HSPA4L: variants seen among roughly 807,000 people sequenced by gnomAD.
HSPA4L encodes heat shock 70 kDa protein 4L.
A neutral mutation model predicts 100.3 loss-of-function variants in HSPA4L; 48 were observed. The ratio of observed to expected loss-of-function variants is 0.48; its 90% confidence interval spans 0.38 to 0.61. The LOEUF is 0.61. Ranked by LOEUF, HSPA4L falls within the 20% of genes least tolerant of loss-of-function variation. HSPA4L has a pLI of 0.00. For synonymous variants in HSPA4L, 319 were observed against 328.2 expected (o/e 0.97, Z 0.30); for missense variants, 886 against 988.6 (o/e 0.90, Z 1.39).
chr4:127,801,965 G>T, intron 6 of HSPA4L, 47 bp downstream of exon 6: 1 of 1,479,468 alleles, frequency 6.8e-7, no homozygotes, highest in South Asian at 1.4e-5. Flanking sequence ...TAAGAACACA[G>T]ACTAAAGAAC....
intron 1 of HSPA4L, among the ~76,000 whole-genome samples, chr4:127,785,664 T>C (rs1172426607): frequency 1.3e-5 from 2 of 152,154 alleles, no homozygotes; most frequent in African/African-American, 4.8e-5. Flanking sequence ...CTCGAACTCC[T>C]GACCTCAGGT....
At chr4:127,797,012 A>C (rs1019263496) in intron 3 of HSPA4L, among the ~76,000 whole-genome samples, 1 of 152,336 alleles carries the variant, frequency 6.6e-6, no homozygotes, top group South Asian at 2.1e-4. Flanking sequence ...TATATGTGTT[A>C]TGGATATGTA....
chr4:127,829,798 T>G (rs1275548946), intron 17 of HSPA4L, among the ~76,000 whole-genome samples: 1 of 149,962 alleles, frequency 6.7e-6, no homozygotes. Context: ...AGCATATGGG[T>G]AGAGAGATGA....
At position 127,839,527 on chromosome 4, in the gene HSPA4L, T is replaced by G. The variant is rs1734313337; in HGVS notation, c.*6653T>G. 1 of 149,532 alleles carries G rather than the reference T, an allele frequency of 6.7e-6. No individual in the cohort carries two copies. The highest frequency in any genetic ancestry group is 2.1e-4 in the South Asian group (1 of 4,686). The allele number at this position is 149,532 out of a possible 1,614,324, so 9.3% of individuals were successfully genotyped here. A position where few individuals can be genotyped will look rare whatever the true frequency, so the allele number is the denominator to read the frequency against. ...CGCTTGAACCCTGGCGAAACCCCAT[T>G]TCTAAAATAGAAAAATTTAGCCGGG... is the stretch of plus-strand genomic sequence containing the variant. On this transcript the variant is annotated 3_prime_UTR_variant, in exon 19 of 19. Transcript: ENST00000296464.
intron 5 of HSPA4L, 55 bp downstream of exon 5, chr4:127,801,292 T>G: frequency 7.9e-7 from 1 of 1,260,980 alleles, no homozygotes; most frequent in African/African-American, 1.5e-5. Context: ...TCTAGTTTTT[T>G]TCTAATTATT....
intron 12 of HSPA4L, among the ~76,000 whole-genome samples, chr4:127,816,390 A>G (rs1050670623): frequency 3.9e-5 from 6 of 152,178 alleles, no homozygotes; most frequent in Non-Finnish European, 7.3e-5. Flanking sequence ...CTGCTTTTAA[A>G]TGTATCTTAG....
rs1578732327 is a variant in HSPA4L, at chr4:127,839,755, G to T, written c.*6881G>T. 6.6e-6 allele frequency: 1 copy of T among 151,616 alleles called. No homozygotes were observed. The highest frequency in any genetic ancestry group is 2.4e-5 in the African/African-American group (1 of 41,286). The allele number at this position is 151,616 out of a possible 1,614,324, so 9.4% of individuals were successfully genotyped here. ...TAGGTAAAGGAAGCTTTAAAATGTTGTATTTTTTCCCTGAAATAAACTTTT... is the reference window on the plus strand; with the variant it reads ...TAGGTAAAGGAAGCTTTAAAATGTTTTATTTTTTCCCTGAAATAAACTTTT... On this transcript the variant is annotated 3_prime_UTR_variant, in exon 19 of 19. Transcript: ENST00000296464.
At position 127,782,448 on chromosome 4, in the gene HSPA4L, T is replaced by TA; in HGVS notation, c.-103_-102insA. ...TAGCGACTTGGGGTCCCCTCTCGTTTGCTTCTGGTAGGAGTCGCAATCCCA... is the reference window on the plus strand; with the variant it reads ...TAGCGACTTGGGGTCCCCTCTCGTTTAGCTTCTGGTAGGAGTCGCAATCCCA... On this transcript the variant is annotated 5_prime_UTR_variant, in exon 1 of 19. Coordinates refer to ENST00000296464, the MANE Select transcript of HSPA4L (RefSeq NM_014278.4). 1 of 918,720 alleles carries TA rather than the reference T, an allele frequency of 1.1e-6. No homozygotes were observed. The highest frequency in any genetic ancestry group is 1.8e-6 in the Non-Finnish European group (1 of 568,932). 56.9% of individuals were successfully genotyped at this position (918,720 alleles called of 1,614,324 possible).
chr4:127,782,379 G>C lies in HSPA4L; in HGVS notation c.-172G>C, dbSNP rs1310189541. The C allele has an allele frequency of 8.2e-6, 5 of 613,378 alleles. No individual in the cohort carries two copies. The highest frequency in any genetic ancestry group is 1.5e-5 in the Non-Finnish European group (5 of 338,286). The allele number at this position is 613,378 out of a possible 1,614,324, so 38.0% of individuals were successfully genotyped here. Reference sequence around the variant, plus strand: ...GCAGGCTGCGGCGCTGACGGCCTCTGCTCCTTCCGCGGGTTTCCGACTCCC... The same window carrying C: ...GCAGGCTGCGGCGCTGACGGCCTCTCCTCCTTCCGCGGGTTTCCGACTCCC... On this transcript the variant is annotated 5_prime_UTR_variant, in exon 1 of 19. Coordinates refer to ENST00000296464, the MANE Select transcript of HSPA4L (RefSeq NM_014278.4).
intron 1 of HSPA4L, among the ~76,000 whole-genome samples, chr4:127,791,728 A>G (rs1732881728): frequency 1.3e-5 from 2 of 152,004 alleles, no homozygotes; most frequent in African/African-American, 4.8e-5. Context: ...ACTCTCTACC[A>G]CTTTTATCCC....
intron 7 of HSPA4L, 36 bp from the exon 8 acceptor site, chr4:127,803,975 T>C (rs1733272659): frequency 1.2e-6 from 2 of 1,609,716 alleles, no homozygotes; most frequent in Admixed American, 3.3e-5. Context: ...CAACTTTTAA[T>C]CCCAGAATAA....
intron 18 of HSPA4L, 36 bp from the exon 19 acceptor site, chr4:127,832,647 A>G: frequency 1.4e-6 from 2 of 1,467,982 alleles, no homozygotes; most frequent in African/African-American, 1.4e-5. Context: ...TTGTTCTGTA[A>G]TCGTTTTAAT....
At chr4:127,822,639 C>A in intron 14 of HSPA4L, 130 bp from the exon 15 acceptor site, 1 of 848,076 alleles carries the variant, frequency 1.2e-6, no homozygotes, top group Non-Finnish European at 1.8e-6. Context: ...TCACTTTCTC[C>A]ACATCCTCAT....
intron 4 of HSPA4L, among the ~76,000 whole-genome samples, chr4:127,799,588 AC>A (rs1202553797): frequency 6.6e-6 from 1 of 152,226 alleles, no homozygotes; most frequent in Non-Finnish European, 1.5e-5. Flanking sequence ...TAATTGTTAT[AC>A]TGCCACTTGA....
At chr4:127,786,037 AT>A (rs1732707175) in intron 1 of HSPA4L, among the ~76,000 whole-genome samples, 1 of 152,220 alleles carries the variant, frequency 6.6e-6, no homozygotes, top group South Asian at 2.1e-4. Context: ...AGTTTCACAC[AT>A]GGGGAAAAAA....
intron 1 of HSPA4L, among the ~76,000 whole-genome samples, chr4:127,789,380 CT>C (rs2148775853): frequency 6.6e-6 from 1 of 152,296 alleles, no homozygotes; most frequent in African/African-American, 2.4e-5. Flanking sequence ...GGCACGGTGG[CT>C]CACGCCTGTA....
rs1372777103 is a variant in HSPA4L at position 127,804,076 on chromosome 4, T to C, written c.974T>C (p.Met325Thr). Reference sequence around the variant, plus strand: ...GTTGAACCACCTTTAAAAGCAGTAATGGAACAAGCTAGTAAGTGGAAATTA... The same window carrying C: ...GTTGAACCACCTTTAAAAGCAGTAACGGAACAAGCTAGTAAGTGGAAATTA... ...ARVEPPLKAV[M>T]EQANLQREDI... is the part of the protein sequence containing the mutation. Residue 325 changes from methionine to threonine, a missense_variant, in exon 8 of 19, where the codon ATG becomes ACG. Met to Thr is a moderately conservative substitution (Grantham distance 81, BLOSUM62 -1). Transcript: ENST00000296464. 2 of 1,613,746 alleles carry C rather than the reference T, an allele frequency of 1.2e-6. No homozygotes were observed. The highest frequency in any genetic ancestry group is 1.7e-5 in the Admixed American group (1 of 59,996).
intron 1 of HSPA4L, among the ~76,000 whole-genome samples, chr4:127,784,115 A>T (rs1299811208): frequency 6.6e-6 from 1 of 152,262 alleles, no homozygotes; most frequent in East Asian, 1.9e-4. Flanking sequence ...CACAACAAAT[A>T]CTGGCTTTCG....
rs1158524600 is a variant in HSPA4L, at chr4:127,834,020, C to G, written c.*1146C>G. ...AACATTACCTTTTGAAACCTTGGCTCCAGTTTTGGTGCTTCTTATACAAAT... is the reference window on the plus strand; with the variant it reads ...AACATTACCTTTTGAAACCTTGGCTGCAGTTTTGGTGCTTCTTATACAAAT... On this transcript the variant is annotated 3_prime_UTR_variant, in exon 19 of 19. Coordinates refer to ENST00000296464, the MANE Select transcript of HSPA4L (RefSeq NM_014278.4). 6.6e-6 allele frequency: 1 copy of G among 152,138 alleles called. No homozygotes were observed. Among genetic ancestry groups the G allele is most frequent in the African/African-American group, 2.4e-5 (1 of 41,454 alleles). 9.4% of individuals were successfully genotyped at this position (152,138 alleles called of 1,614,324 possible).
Sources: gnomAD v4.1 joint callset for allele counts (sites outside exome capture counted in the v4.1 genomes callset) on GRCh38, gnomAD v4.1.1 for gene constraint, MANE v1.5 for transcripts, NCBI Gene and HGNC (gene_info 2026-07-23, HGNC 2026-07-21) for gene names.